TAPBPL: variants seen among roughly 807,000 people sequenced by gnomAD.
TAPBPL encodes the protein tapasin-related protein.
A neutral mutation model predicts 44.8 loss-of-function variants in TAPBPL; 32 were observed. That is an observed-to-expected ratio of 0.71 (90% CI 0.54 to 0.96). The LOEUF is 0.96. Among genes scored for constraint, TAPBPL ranks in the 40% least tolerant of loss-of-function variants. TAPBPL has a pLI of 0.00. For synonymous variants in TAPBPL, 230 were observed against 240.7 expected (o/e 0.96, Z 0.41); for missense variants, 520 against 586.6 (o/e 0.89, Z 1.17).
chr12:6,466,057 A>C (rs1950016503), downstream of TAPBPL: 1 of 1,612,610 alleles, frequency 6.2e-7, no homozygotes, highest in Non-Finnish European at 8.5e-7. Flanking sequence ...AGAGGAAAGG[A>C]CAACAACCAG....
chr12:6,458,898 C>T lies in TAPBPL; in HGVS notation c.1158C>T (p.His386=). 1 of 1,614,206 alleles carries T rather than the reference C, an allele frequency of 6.2e-7. No individual in the cohort carries two copies. The highest frequency in any genetic ancestry group is 8.5e-7 in the Non-Finnish European group (1 of 1,180,040). ...AGATYTCQVT[H]ISLEEPLGAS... is the part of the protein sequence containing the mutation. ...CCACTTACACCTGCCAGGTCACACA[C>T]ATCTCTCTGGAGGAGCCCCTTGGGG... Residue 386 remains histidine (H), a synonymous_variant, in exon 5 of 7, where the codon CAC becomes CAT. Coordinates refer to ENST00000266556, the MANE Select transcript of TAPBPL (RefSeq NM_018009.5).
At chr12:6,470,669 G>A (rs1486323679), downstream of TAPBPL, 8 of 1,129,128 alleles carry the variant, frequency 7.1e-6, no homozygotes, top group Non-Finnish European at 7.8e-6. Flanking sequence ...AGCTGCGCTG[G>A]AACTTACTGC....
chr12:6,452,615 C>T (rs745601412), intron 1 of TAPBPL: 33 of 1,313,300 alleles, frequency 2.5e-5, no homozygotes, highest in Non-Finnish European at 3.2e-5. Context: ...GAAAGGACTC[C>T]CCAGGTGAGG....
downstream of TAPBPL, chr12:6,465,722 G>T: frequency 7.4e-7 from 1 of 1,359,678 alleles, no homozygotes; most frequent in Non-Finnish European, 9.9e-7. Flanking sequence ...CCTCCCAAGC[G>T]TTATGCTGGT....
At chr12:6,460,123 G>T (rs1303463464) in intron 5 of TAPBPL, among the ~76,000 whole-genome samples, 2 of 152,116 alleles carry the variant, frequency 1.3e-5, no homozygotes, top group Non-Finnish European at 2.9e-5. Flanking sequence ...AACTTGAAGT[G>T]GAAACATCCA....
rs529561576 is a variant in TAPBPL, at chr12:6,452,180, G to A, written c.-69G>A. The A allele has an allele frequency of 2.3e-5, 36 of 1,537,284 alleles. No homozygotes were observed. In the East Asian group the frequency reaches 8.5e-4, roughly 36 times the overall value. Reference sequence around the variant, plus strand: ...GCTTGGAGAGCCCCCTTCTTCCGCCGGGCCTCGCAAGCAGCGTAGGACTGT... The same window carrying A: ...GCTTGGAGAGCCCCCTTCTTCCGCCAGGCCTCGCAAGCAGCGTAGGACTGT... On this transcript the variant is annotated 5_prime_UTR_variant, in exon 1 of 7. Coordinates refer to ENST00000266556, the MANE Select transcript of TAPBPL (RefSeq NM_018009.5).
chr12:6,455,179 G>A (rs1398726835), intron 3 of TAPBPL, among the ~76,000 whole-genome samples: 2 of 152,164 alleles, frequency 1.3e-5, no homozygotes, highest in African/African-American at 2.4e-5. Flanking sequence ...GACTCCTCAT[G>A]TGTGTATATG....
chr12:6,462,479 T>A (rs548896687), downstream of TAPBPL: 1 of 488,942 alleles, frequency 2.0e-6, no homozygotes, highest in African/African-American at 1.9e-5. Flanking sequence ...AGTCCCAGGG[T>A]TTTGTTGCAC....
Position 6,453,640 on chromosome 12 carries a change from G to A in TAPBPL, c.489G>A (p.Arg163=), listed in dbSNP as rs776536934. The A allele has an allele frequency of 4.3e-6, 7 of 1,613,898 alleles. No homozygotes were observed. In the East Asian group the frequency reaches 1.6e-4, roughly 36 times the overall value. ...TCTCCTTGGTGATGAAGACTCCCAG[G>A]GTCACCAAGAATGAGGCGCTCTGGC... ...PSISLVMKTP[R]VTKNEALWHP... is the part of the protein sequence containing the mutation. The change falls in exon 3 of 7, where the codon AGG becomes AGA. Residue 163 remains arginine (R), a synonymous_variant. Transcript: ENST00000266556. The surrounding 1 kb of genome is among the most constrained non-coding windows in gnomAD (Gnocchi z 4.8).
chr12:6,463,599 ATAAC>A (rs542768848), downstream of TAPBPL: 120 of 1,077,992 alleles, frequency 1.1e-4, no homozygotes, highest in African/African-American at 1.8e-3. This position sits in a 1 kb window ranked among gnomAD's most constrained non-coding sequence, Gnocchi z 4.0. Context: ...CTGTTTCTCT[ATAAC>A]TAACAGGCAA....
chr12:6,470,699 G>GC (rs1171519096), downstream of TAPBPL: 16 of 813,500 alleles, frequency 2.0e-5, no homozygotes, highest in African/African-American at 2.5e-4. Context: ...GCCGGCCTCC[G>GC]CCTTTATTAG....
At chr12:6,455,114 T>C (rs1949668285) in intron 3 of TAPBPL, among the ~76,000 whole-genome samples, 1 of 152,202 alleles carries the variant, frequency 6.6e-6, no homozygotes, top group Non-Finnish European at 1.5e-5. Flanking sequence ...AACACCTATA[T>C]ACCCTACACC....
downstream of TAPBPL, chr12:6,464,588 T>G (rs535998857): frequency 6.8e-7 from 1 of 1,461,036 alleles, no homozygotes; most frequent in Non-Finnish European, 9.0e-7. Flanking sequence ...GGTCTCTCCA[T>G]TGTTAAGTGC....
downstream of TAPBPL, chr12:6,466,067 G>C (rs752893199): frequency 6.2e-7 from 1 of 1,612,188 alleles, no homozygotes; most frequent in Non-Finnish European, 8.5e-7. Context: ...ACAACAACCA[G>C]AGAATCACAA....
downstream of TAPBPL, among the ~76,000 whole-genome samples, chr12:6,468,610 G>A (rs2063515220): frequency 6.6e-6 from 1 of 152,166 alleles, no homozygotes; most frequent in African/African-American, 2.4e-5. Context: ...AGTCTCAGAT[G>A]ACTCCCTTGG....
chr12:6,460,375 C>T (rs1373951117), intron 5 of TAPBPL, among the ~76,000 whole-genome samples: 3 of 152,170 alleles, frequency 2.0e-5, no homozygotes, highest in Non-Finnish European at 2.9e-5. Flanking sequence ...AAGTGATTCT[C>T]CCACCTCAGC....
intron 5 of TAPBPL, among the ~76,000 whole-genome samples, chr12:6,459,989 C>G (rs1949807478): frequency 6.6e-6 from 1 of 151,866 alleles, no homozygotes; most frequent in Non-Finnish European, 1.5e-5. Flanking sequence ...AGGCTGGTCT[C>G]AAACTCCTGA....
At chr12:6,465,474 T>TATATA (rs1950000473), downstream of TAPBPL, 14 of 175,942 alleles carry the variant, frequency 8.0e-5, no homozygotes, top group African/African-American at 3.9e-4. Context: ...ATAGTGTGTG[T>TATATA]GTGTGTGTGT....
chr12:6,461,992 G>C (rs1266190152), intron 6 of TAPBPL, 42 bp from the exon 7 acceptor site: 1 of 1,552,128 alleles, frequency 6.4e-7, no homozygotes, highest in Admixed American at 1.7e-5. Flanking sequence ...TTGCCAGTGT[G>C]AGATGCCCAC....
Sources: gnomAD v4.1 joint callset for allele counts (sites outside exome capture counted in the v4.1 genomes callset) on GRCh38, gnomAD v4.1.1 for gene constraint, Gnocchi (gnomAD v3.1) non-coding constraint, MANE v1.5 for transcripts, NCBI Gene and HGNC (gene_info 2026-07-23, HGNC 2026-07-21) for gene names.